The following DDAH1 variants were observed in gnomAD, a reference collection of about 807,000 sequenced individuals.
DDAH1 encodes the protein dimethylarginine dimethylaminohydrolase 1.
DDAH1 carries 19 observed loss-of-function variants against 28.8 expected under a neutral mutation model. The observed-to-expected ratio is 0.66, with a 90% CI of 0.46 to 0.97. The LOEUF (loss-of-function observed/expected upper bound fraction) is 0.97, where lower values mean the gene tolerates loss of function less well. Ranked by LOEUF, DDAH1 falls within the 50% of genes least tolerant of loss-of-function variation. The pLI is 0.00. For synonymous variants in DDAH1, 153 were observed against 154.4 expected, an observed-to-expected ratio of 0.99 and a Z score of 0.07; for missense variants, 326 against 375.9, an observed-to-expected ratio of 0.87 and a Z score of 1.10.
intron 1 of DDAH1, among the ~76,000 whole-genome samples, chr1:85,513,200 G>A (rs191867614): frequency 6.6e-6 from 1 of 152,002 alleles, no homozygotes; most frequent in African/African-American, 2.4e-5. Context: ...AACACCACAC[G>A]TCTACAACCA....
chr1:85,401,718 G>C (rs1652117801), intron 1 of DDAH1, among the ~76,000 whole-genome samples: 1 of 151,706 alleles, frequency 6.6e-6, no homozygotes, highest in South Asian at 2.1e-4. Context: ...GTCCAGGCTG[G>C]TCTCAAACTC....
At chr1:85,485,692 A>G (rs1265187878) in intron 2 of DDAH1, among the ~76,000 whole-genome samples, 1 of 152,204 alleles carries the variant, frequency 6.6e-6, no homozygotes, top group East Asian at 1.9e-4. Flanking sequence ...TACTATAGAA[A>G]ATGAGCACTA....
intron 1 of DDAH1, among the ~76,000 whole-genome samples, chr1:85,554,357 T>G (rs1414221100): frequency 2.0e-5 from 3 of 151,030 alleles, no homozygotes; most frequent in Admixed American, 2.0e-4. Flanking sequence ...TCCTATACTT[T>G]CCAAAGACCT....
intron 1 of DDAH1, among the ~76,000 whole-genome samples, chr1:85,404,905 G>A (rs919395096): frequency 6.6e-6 from 1 of 152,102 alleles, no homozygotes; most frequent in African/African-American, 2.4e-5. Context: ...ATTTCTTTAG[G>A]CATTAAATCT....
chr1:85,493,979 G>A (rs1218754901), intron 2 of DDAH1: 4 of 152,210 alleles, frequency 2.6e-5, no homozygotes, highest in Admixed American at 6.5e-5. Context: ...TCAGTAGTAA[G>A]GTGAAACTGA....
At chr1:85,325,379 G>A (rs1036324836) in intron 4 of DDAH1, among the ~76,000 whole-genome samples, 1 of 151,658 alleles carries the variant, frequency 6.6e-6, no homozygotes, top group South Asian at 2.1e-4. Flanking sequence ...ACACACACAC[G>A]CTTTGCTCTT....
intron 1 of DDAH1, among the ~76,000 whole-genome samples, chr1:85,429,838 C>T (rs1280417548): frequency 6.6e-6 from 1 of 152,032 alleles, no homozygotes; most frequent in Non-Finnish European, 1.5e-5. Flanking sequence ...TATCTTTTAC[C>T]CACTTTTTGA....
intron 2 of DDAH1, among the ~76,000 whole-genome samples, chr1:85,485,914 T>C (rs1146395): frequency 0.56 from 84,493 of 152,068 alleles, 25,388 homozygotes; most frequent in Non-Finnish European, 0.7. Context: ...GGCCTATTGA[T>C]ACAACTGAAG....
At chr1:85,441,165 T>G (rs1050501854) in intron 1 of DDAH1, among the ~76,000 whole-genome samples, 11 of 152,240 alleles carry the variant, frequency 7.2e-5, no homozygotes, top group African/African-American at 1.2e-4. Flanking sequence ...ACCTGGATTT[T>G]TACAGCACTT....
chr1:85,369,293 G>C (rs1650251821), intron 1 of DDAH1, among the ~76,000 whole-genome samples: 3 of 148,926 alleles, frequency 2.0e-5, no homozygotes. Context: ...CTATTAACAA[G>C]TTCTGGCCCC....
At position 85,324,884 on chromosome 1, in the gene DDAH1, C is replaced by T; in HGVS notation, c.598-1G>A. The T allele has an allele frequency of 1.2e-6, 2 of 1,613,834 alleles. No individual in the cohort carries two copies. Among genetic ancestry groups the T allele is most frequent in the East Asian group, 2.2e-5 (1 of 44,868 alleles). ...GGTGGTCACTCATCTGTTGCATGAT[C>T]TATAAAGAGAAACAAAGCAGGCCTA... On this transcript the variant is annotated splice_acceptor_variant, in intron 4 of 5. Coordinates refer to ENST00000284031, the MANE Select transcript of DDAH1 (RefSeq NM_012137.4). LOFTEE classifies it high-confidence loss of function.
At chr1:85,413,824 G>A (rs567434634) in intron 1 of DDAH1, among the ~76,000 whole-genome samples, 1 of 152,296 alleles carries the variant, frequency 6.6e-6, no homozygotes, top group Non-Finnish European at 1.5e-5. Context: ...TACTTCAGAA[G>A]AAGACAAAAA....
chr1:85,464,730 A>G lies in DDAH1; in HGVS notation c.303+13T>C. 1.3e-6 allele frequency: 2 copies of G among 1,501,320 alleles called. No homozygotes were observed. The highest frequency in any genetic ancestry group is 1.8e-6 in the Non-Finnish European group (2 of 1,133,260). 93.0% of individuals were successfully genotyped at this position (1,501,320 alleles called of 1,614,324 possible). A position where few individuals can be genotyped will look rare whatever the true frequency, so the allele number is the denominator to read the frequency against. ...GCGCGCGCCCCGGCCGCGCCCCTCG[A>G]GTCGGCAGTTACCTCCTTCCTCCGG... On this transcript the variant is annotated intron_variant, in intron 1 of 5. Transcript: ENST00000284031. This position sits in a 1 kb window ranked among gnomAD's most constrained non-coding sequence, Gnocchi z 4.4.
chr1:85,353,457 T>C (rs1391586966), intron 2 of DDAH1, among the ~76,000 whole-genome samples: 1 of 152,182 alleles, frequency 6.6e-6, no homozygotes, highest in Non-Finnish European at 1.5e-5. Context: ...TCAGGTGATG[T>C]TACGACAATA....
intron 4 of DDAH1, among the ~76,000 whole-genome samples, chr1:85,336,981 A>G (rs1415790989): frequency 6.6e-6 from 1 of 152,210 alleles, no homozygotes; most frequent in East Asian, 1.9e-4. Context: ...CAGCAAATCA[A>G]AAAGATATTA....
chr1:85,360,329 G>T (rs1649720115), intron 1 of DDAH1, among the ~76,000 whole-genome samples: 1 of 152,154 alleles, frequency 6.6e-6, no homozygotes, highest in Non-Finnish European at 1.5e-5. Flanking sequence ...GGACAAAATG[G>T]TCTTAATGTT....
intron 1 of DDAH1, among the ~76,000 whole-genome samples, chr1:85,567,348 G>T (rs1269670080): frequency 1.3e-5 from 2 of 152,202 alleles, no homozygotes; most frequent in Non-Finnish European, 2.9e-5. Flanking sequence ...GGTGAGAGAT[G>T]ATTGAATCAT....
intron 2 of DDAH1, 41 bp from the exon 3 acceptor site, chr1:85,351,620 A>C: frequency 1.4e-6 from 2 of 1,417,358 alleles, no homozygotes; most frequent in Non-Finnish European, 2.0e-6. Flanking sequence ...AGGTGGCACC[A>C]GTGACTGTAC....
At chr1:85,479,654 T>C (rs188064362) in intron 2 of DDAH1, among the ~76,000 whole-genome samples, 2 of 152,328 alleles carry the variant, frequency 1.3e-5, no homozygotes, top group African/African-American at 4.8e-5. Context: ...GGCAGTGTTA[T>C]AACAGTTCCA....
Sources: gnomAD v4.1 joint callset for allele counts (sites outside exome capture counted in the v4.1 genomes callset) on GRCh38, gnomAD v4.1.1 for gene constraint, Gnocchi (gnomAD v3.1) non-coding constraint, MANE v1.5 for transcripts, NCBI Gene and HGNC (gene_info 2026-07-23, HGNC 2026-07-21) for gene names.